Variants in TEAD1 observed in about 807,000 individuals in gnomAD.
TEAD1 encodes the protein transcriptional enhancer factor TEF-1.
In TEAD1, 9 loss-of-function variants were observed where a neutral mutation model predicts 54.9. The observed-to-expected ratio is 0.16, with a 90% CI of 0.10 to 0.29. The LOEUF is 0.29. TEAD1 is among the 10% of genes least tolerant of loss of function. The pLI, the probability that TEAD1 is intolerant of heterozygous loss-of-function variation, is 1.00. For synonymous variants in TEAD1, 200 were observed against 187.8 expected (o/e 1.07, Z -0.53); for missense variants, 387 against 535.9 (o/e 0.72, Z 2.74).
chr11:12,749,118 C>CTG (rs1320186771), intron 2 of TEAD1, among the ~76,000 whole-genome samples: 2 of 151,984 alleles, frequency 1.3e-5, no homozygotes, highest in Admixed American at 1.3e-4. Context: ...TGTGCCAGAA[C>CTG]TGTGTGTGTG....
At chr11:12,840,106 G>A (rs1564959198) in intron 3 of TEAD1, among the ~76,000 whole-genome samples, 1 of 151,896 alleles carries the variant, frequency 6.6e-6, no homozygotes, top group Non-Finnish European at 1.5e-5. Context: ...AATTAGCCAG[G>A]TGTGGTGGCG....
chr11:12,757,309 C>T (rs1425763707), intron 2 of TEAD1, among the ~76,000 whole-genome samples: 1 of 152,126 alleles, frequency 6.6e-6, no homozygotes, highest in East Asian at 1.9e-4. Flanking sequence ...GCTCCGCCTC[C>T]CATATCTCTT....
chr11:12,790,253 C>T (rs1945770315), intron 3 of TEAD1, among the ~76,000 whole-genome samples: 1 of 152,216 alleles, frequency 6.6e-6, no homozygotes, highest in South Asian at 2.1e-4. Context: ...TTTCTCCCAG[C>T]CTGATGGGAC....
intron 10 of TEAD1, among the ~76,000 whole-genome samples, chr11:12,914,478 CACTCAAAG>C (rs1948674702): frequency 6.6e-6 from 1 of 152,196 alleles, no homozygotes; most frequent in South Asian, 2.1e-4. Flanking sequence ...GAAGTGAACA[CACTCAAAG>C]ACTCTTTTCT....
Position 12,916,763 on chromosome 11 carries a change from G to A in TEAD1, c.874-8149G>A, listed in dbSNP as rs2134150719. On this transcript the variant is annotated intron_variant, in intron 10 of 12. Transcript: ENST00000527636. Reference sequence around the variant, plus strand: ...CCTGGACCAGTGTCGGACTGGATGGGATGAGTGGAGGACTGAACTTTGTAG... The same window carrying A: ...CCTGGACCAGTGTCGGACTGGATGGAATGAGTGGAGGACTGAACTTTGTAG... Among the ~76,000 whole-genome samples the A allele has an allele frequency of 1.3e-5, 2 of 152,346 alleles. 1 individual carries two copies. Among genetic ancestry groups the A allele is most frequent in the East Asian group, 3.9e-4 (2 of 5,182 alleles).
At chr11:12,781,529 A>C (rs1305452637) in intron 3 of TEAD1, among the ~76,000 whole-genome samples, 1 of 152,256 alleles carries the variant, frequency 6.6e-6, no homozygotes, top group Non-Finnish European at 1.5e-5. Context: ...ACCTTTCCTT[A>C]AAAAAGACAT....
chr11:12,903,837 A>G lies in TEAD1; in HGVS notation c.873+1724A>G, dbSNP rs567866242. ...AAAAAAAAAGAAATTTGGATAGTAGATGTAGCCTTCTACTTATATTAATGG... is the reference window on the plus strand; with the variant it reads ...AAAAAAAAAGAAATTTGGATAGTAGGTGTAGCCTTCTACTTATATTAATGG... On this transcript the variant is annotated intron_variant, in intron 10 of 12. Coordinates refer to ENST00000527636, the MANE Select transcript of TEAD1 (RefSeq NM_021961.6). Among the ~76,000 whole-genome samples, 259 of 152,308 alleles carry G rather than the reference A, an allele frequency of 1.7e-3. 1 individual carries two copies. The highest frequency in any genetic ancestry group is 6.1e-3 in the African/African-American group (254 of 41,572).
At chr11:12,700,865 A>G (rs551539379) in intron 2 of TEAD1, among the ~76,000 whole-genome samples, 2 of 152,304 alleles carry the variant, frequency 1.3e-5, no homozygotes, top group East Asian at 3.9e-4. Flanking sequence ...TTCTTCAATA[A>G]AAATTGTTTT....
In TEAD1 at chr11:12,913,472, T is replaced by C. The variant is rs73409270; in HGVS notation, c.873+11359T>C. On this transcript the variant is annotated intron_variant, in intron 10 of 12. Coordinates refer to ENST00000527636, the MANE Select transcript of TEAD1 (RefSeq NM_021961.6). ...ACGTATACATATACATCACTTGTTT[T>C]TACTAAAAAGGGATTATGCTCCAAG... Among the ~76,000 whole-genome samples, 834 of 152,316 alleles carry C rather than the reference T, an allele frequency of 5.5e-3. 12 individuals are homozygous for C. The highest frequency in any genetic ancestry group is 0.019 in the African/African-American group (786 of 41,560).
At chr11:12,845,381 C>T (rs1417996830) in intron 3 of TEAD1, among the ~76,000 whole-genome samples, 5 of 152,238 alleles carry the variant, frequency 3.3e-5, no homozygotes, top group South Asian at 2.1e-4. Context: ...AAAGCACTAT[C>T]GTGTGTGTGT....
intron 2 of TEAD1, among the ~76,000 whole-genome samples, chr11:12,681,963 C>G (rs950027991): frequency 2.0e-5 from 3 of 152,238 alleles, no homozygotes; most frequent in Admixed American, 2.0e-4. Context: ...CCCACCTTAG[C>G]ATGTGCACTG....
At chr11:12,756,587 T>TA (rs1308804422) in intron 2 of TEAD1, among the ~76,000 whole-genome samples, 1 of 152,234 alleles carries the variant, frequency 6.6e-6, no homozygotes, top group East Asian at 1.9e-4. Flanking sequence ...GGATCATCAC[T>TA]ATTCATTAGG....
intron 3 of TEAD1, among the ~76,000 whole-genome samples, chr11:12,775,357 G>A (rs888594754): frequency 6.6e-6 from 1 of 152,136 alleles, no homozygotes; most frequent in African/African-American, 2.4e-5. Context: ...AGTAGAGAGT[G>A]GGTGGACATT....
In TEAD1 at chr11:12,808,915, G is replaced by A. The variant is rs960751549; in HGVS notation, c.202+44481G>A. On this transcript the variant is annotated intron_variant, in intron 3 of 12. Coordinates refer to ENST00000527636, the MANE Select transcript of TEAD1 (RefSeq NM_021961.6). Reference sequence around the variant, plus strand: ...GAGAATGTGAGAATACAGGTGACAGGCTGCATAATTCTCGCAAAATGCTGT... The same window carrying A: ...GAGAATGTGAGAATACAGGTGACAGACTGCATAATTCTCGCAAAATGCTGT... Among the ~76,000 whole-genome samples the A allele has an allele frequency of 2.6e-5, 4 of 152,164 alleles. No individual in the cohort carries two copies. In the East Asian group the frequency reaches 7.7e-4, roughly 29 times the overall value.
At chr11:12,877,164 A>G (rs1947868259) in intron 5 of TEAD1, among the ~76,000 whole-genome samples, 1 of 152,232 alleles carries the variant, frequency 6.6e-6, no homozygotes, top group Non-Finnish European at 1.5e-5. Flanking sequence ...TAACAGCAGC[A>G]AAAGGATCAT....
chr11:12,901,870 G>A, intron 9 of TEAD1, 70 bp from the exon 10 acceptor site: 9 of 1,601,870 alleles, frequency 5.6e-6, no homozygotes, highest in Non-Finnish European at 7.7e-6. Context: ...TCTTTATCCA[G>A]TTCAAGATGG....
intron 3 of TEAD1, among the ~76,000 whole-genome samples, chr11:12,846,876 A>C (rs995547992): frequency 2.0e-5 from 3 of 152,208 alleles, no homozygotes; most frequent in Non-Finnish European, 4.4e-5. Flanking sequence ...TTAGGGAACA[A>C]AACAGCCACA....
At chr11:12,859,524 C>A (rs1365889800) in intron 3 of TEAD1, among the ~76,000 whole-genome samples, 1 of 152,156 alleles carries the variant, frequency 6.6e-6, no homozygotes, top group Non-Finnish European at 1.5e-5. Flanking sequence ...TGTCAGCGAG[C>A]CTTCAAGACA....
At chr11:12,843,074 G>A (rs1210287963) in intron 3 of TEAD1, among the ~76,000 whole-genome samples, 1 of 152,128 alleles carries the variant, frequency 6.6e-6, no homozygotes, top group Non-Finnish European at 1.5e-5. Context: ...GTTTATCTGG[G>A]AGGATGCAAA....
Sources: gnomAD v4.1 joint callset for allele counts (sites outside exome capture counted in the v4.1 genomes callset) on GRCh38, gnomAD v4.1.1 for gene constraint, MANE v1.5 for transcripts, NCBI Gene and HGNC (gene_info 2026-07-23, HGNC 2026-07-21) for gene names.